MTTP: variants seen among roughly 807,000 people sequenced by gnomAD.
MTTP encodes the protein microsomal triglyceride transfer protein, also known as microsomal triglyceride transfer protein large subunit.
In MTTP, 49 loss-of-function variants were observed where a neutral mutation model predicts 90.6. The ratio of observed to expected loss-of-function variants is 0.54; its 90% CI spans 0.43 to 0.69. MTTP has a LOEUF of 0.69. MTTP is among the 30% of genes least tolerant of loss of function. The pLI is 0.00. For synonymous variants in MTTP, 347 were observed against 384.2 expected (o/e 0.90, Z 1.13); for missense variants, 945 against 1,067.5 (o/e 0.89, Z 1.60).
intron 12 of MTTP, among the ~76,000 whole-genome samples, chr4:99,610,330 A>G (rs1442083696): frequency 6.6e-6 from 1 of 152,202 alleles, no homozygotes; most frequent in Non-Finnish European, 1.5e-5. Context: ...GACCCTTTGA[A>G]TATCTGAGGA....
intron 3 of MTTP, among the ~76,000 whole-genome samples, chr4:99,587,995 T>A (rs1056250567): frequency 1.3e-5 from 2 of 152,148 alleles, no homozygotes; most frequent in Non-Finnish European, 2.9e-5. Flanking sequence ...GGACAAACAC[T>A]ATTCCAACAT....
chr4:99,597,361 C>A (rs1049478851), intron 8 of MTTP, 137 bp downstream of exon 8: 2 of 997,212 alleles, frequency 2.0e-6, no homozygotes, highest in African/African-American at 1.6e-5. Flanking sequence ...ACATTTTCAT[C>A]GAAAAGTTAT....
chr4:99,600,484 T>C (rs1419142044), intron 8 of MTTP, 81 bp from the exon 9 acceptor site: 6 of 1,398,932 alleles, frequency 4.3e-6, no homozygotes, highest in African/African-American at 1.4e-5. Context: ...CTCAAACCAA[T>C]AGAAACTCTG....
intron 2 of MTTP, 66 bp downstream of exon 2, chr4:99,582,158 G>C (rs1368025428): frequency 6.6e-7 from 1 of 1,512,180 alleles, no homozygotes; most frequent in Non-Finnish European, 9.2e-7. Flanking sequence ...GTGTACCATT[G>C]GACAGCACTT....
At chr4:99,594,637 T>G (rs1300159829) in intron 6 of MTTP, 96 bp from the exon 7 acceptor site, 5 of 1,438,466 alleles carry the variant, frequency 3.5e-6, no homozygotes, top group African/African-American at 2.8e-5. Flanking sequence ...ACAACTTGAA[T>G]AAATTACTAT....
intron 1 of MTTP, among the ~76,000 whole-genome samples, chr4:99,577,606 A>C (rs138096172): frequency 3.5e-5 from 1 of 28,314 alleles, no homozygotes; most frequent in African/African-American, 3.7e-4. Context: ...ACTCTGTTTC[A>C]AAAAAAAAAA....
rs1322867010 is a variant in MTTP at position 99,591,354 on chromosome 4, A to G, written c.618+3A>G. On this transcript the variant is annotated splice_donor_region_variant and intron_variant, in intron 5 of 17. Coordinates refer to ENST00000265517, the MANE Select transcript of MTTP (RefSeq NM_001386140.1). Reference sequence around the variant, plus strand: ...CTGGATTTACGACCCCAAATCAGGTATGATAGATGTCACTTTCTTTGAGGC... The same window carrying G: ...CTGGATTTACGACCCCAAATCAGGTGTGATAGATGTCACTTTCTTTGAGGC... 6.3e-7 allele frequency: 1 copy of G among 1,580,512 alleles called. No homozygotes were observed. The highest frequency in any genetic ancestry group is 8.7e-7 in the Non-Finnish European group (1 of 1,149,500).
chr4:99,589,565 C>A (rs1422018430), intron 3 of MTTP, 78 bp from the exon 4 acceptor site: 1 of 829,968 alleles, frequency 1.2e-6, no homozygotes. Context: ...AAGAATCTGA[C>A]CTTGCCTGAC....
intron 1 of MTTP, among the ~76,000 whole-genome samples, chr4:99,578,707 T>C (rs1197384272): frequency 6.6e-6 from 1 of 152,206 alleles, no homozygotes; most frequent in African/African-American, 2.4e-5. Flanking sequence ...TACAAATGTT[T>C]CGTAGTTATT....
chr4:99,572,248 C>T (rs902226562), upstream of MTTP, among the ~76,000 whole-genome samples: 2 of 151,926 alleles, frequency 1.3e-5, no homozygotes, highest in Non-Finnish European at 2.9e-5. Flanking sequence ...TGAAATGTAT[C>T]ATTTGATTTT....
intron 2 of MTTP, among the ~76,000 whole-genome samples, chr4:99,582,385 G>A (rs1376982542): frequency 6.6e-6 from 1 of 152,178 alleles, no homozygotes; most frequent in African/African-American, 2.4e-5. Flanking sequence ...TTTTCAAAAT[G>A]TTCTGGGAGA....
chr4:99,591,433 T>A, intron 5 of MTTP, 82 bp downstream of exon 5: 1 of 1,251,474 alleles, frequency 8.0e-7, no homozygotes, highest in Non-Finnish European at 1.2e-6. Context: ...AAAAATAAAG[T>A]AGAAATAGAA....
At chr4:99,581,295 G>A (rs1279182134) in intron 1 of MTTP, among the ~76,000 whole-genome samples, 3 of 152,144 alleles carry the variant, frequency 2.0e-5, no homozygotes, top group African/African-American at 7.2e-5. Context: ...CCTGTACTAA[G>A]ATTTCATATA....
At position 99,623,123 on chromosome 4, in the gene MTTP, T is replaced by C. The variant is rs567456638; in HGVS notation, c.*275T>C. The C allele has an allele frequency of 1.3e-5, 6 of 464,386 alleles. No homozygotes were observed. The South Asian group carries it at 1.3e-4, about 10-fold the overall frequency. 28.8% of individuals were successfully genotyped at this position (464,386 alleles called of 1,614,324 possible). On this transcript the variant is annotated 3_prime_UTR_variant, in exon 18 of 18. Coordinates refer to ENST00000265517, the MANE Select transcript of MTTP (RefSeq NM_001386140.1). ...TCATTTGGTACAGTCAGAATAGTTA[T>C]TCTCTAAGAGGAAACTAGTGTTTGT...
intron 8 of MTTP, among the ~76,000 whole-genome samples, chr4:99,599,667 AGAT>A (rs1377083206): frequency 1.3e-5 from 2 of 152,196 alleles, no homozygotes; most frequent in African/African-American, 4.8e-5. Context: ...TTCATTTTAC[AGAT>A]GAAGAACTTA....
At chr4:99,598,525 A>C (rs186527446) in intron 8 of MTTP, among the ~76,000 whole-genome samples, 1 of 152,144 alleles carries the variant, frequency 6.6e-6, no homozygotes, top group East Asian at 1.9e-4. Flanking sequence ...TTATTTATAC[A>C]ATATTGAACC....
intron 1 of MTTP, among the ~76,000 whole-genome samples, chr4:99,580,778 C>A (rs1016874588): frequency 1.6e-4 from 24 of 151,946 alleles, no homozygotes; most frequent in African/African-American, 5.6e-4. Flanking sequence ...TTTTGACCAC[C>A]ATTTCCTCTG....
upstream of MTTP, chr4:99,574,797 T>C (rs762900093): frequency 6.2e-7 from 1 of 1,606,952 alleles, no homozygotes; most frequent in East Asian, 2.2e-5. Flanking sequence ...AAGATAAACA[T>C]GATTGTTGCA....
In MTTP at chr4:99,583,499, T is replaced by G; in HGVS notation, c.375T>G (p.Leu125=). The change falls in exon 3 of 18, where the codon CTT becomes CTG. Residue 125 remains leucine, a synonymous_variant. Coordinates refer to ENST00000265517, the MANE Select transcript of MTTP (RefSeq NM_001386140.1). ...NLEALQRPTL[L]HLIHGKVKEF... ...AAGCTCTGCAAAGACCTACGCTCCT[T>G]CATCTAATCCATGGAAAGGTAAAGG... The G allele has an allele frequency of 6.2e-7, 1 of 1,613,634 alleles. No individual in the cohort carries two copies. Among genetic ancestry groups the G allele is most frequent in the African/African-American group, 1.3e-5 (1 of 75,022 alleles).
Sources: gnomAD v4.1 joint callset for allele counts (sites outside exome capture counted in the v4.1 genomes callset) on GRCh38, gnomAD v4.1.1 for gene constraint, MANE v1.5 for transcripts, NCBI Gene and HGNC (gene_info 2026-07-23, HGNC 2026-07-21) for gene names.